The following TESPA1 variants were observed in gnomAD, a reference collection of about 807,000 sequenced individuals.
TESPA1 encodes protein TESPA1.
Under a neutral mutation model 57.9 loss-of-function variants are expected in TESPA1, and 33 were observed. The observed-to-expected ratio is 0.57, with a 90% confidence interval of 0.43 to 0.76. TESPA1 has a LOEUF of 0.76. Ranked by LOEUF, TESPA1 falls within the 30% of genes least tolerant of loss-of-function variation. The probability of loss-of-function intolerance (pLI) is 0.00; values close to 1 mark genes in which losing one functional copy is unlikely to be tolerated. For synonymous variants in TESPA1, 227 were observed against 228.9 expected (o/e 0.99, Z 0.07); for missense variants, 618 against 632.9 (o/e 0.98, Z 0.25).
chr12:54,951,113 T>C (rs1244164964), intron 10 of TESPA1, among the ~76,000 whole-genome samples: 1 of 152,194 alleles, frequency 6.6e-6, no homozygotes, highest in Non-Finnish European at 1.5e-5. Flanking sequence ...AAATATCATG[T>C]TGAATTGTGA....
chr12:54,958,136 C>T (rs554784744), intron 10 of TESPA1, among the ~76,000 whole-genome samples: 16 of 152,298 alleles, frequency 1.1e-4, no homozygotes, highest in African/African-American at 3.4e-4. Context: ...GTGAGAGGAA[C>T]TTGTGTTCTG....
chr12:54,954,440 A>G (rs1295721471), intron 10 of TESPA1, among the ~76,000 whole-genome samples: 1 of 152,216 alleles, frequency 6.6e-6, no homozygotes, highest in Non-Finnish European at 1.5e-5. Context: ...TGTGGAAGGC[A>G]GAAAGATAAT....
intron 7 of TESPA1, among the ~76,000 whole-genome samples, chr12:54,964,590 C>T (rs142147433): frequency 6.6e-6 from 1 of 152,192 alleles, no homozygotes; most frequent in Non-Finnish European, 1.5e-5. Context: ...TTGGGTGACA[C>T]TAGAGCTTAG....
chr12:54,962,838 G>A lies in TESPA1; in HGVS notation c.1060C>T (p.Pro354Ser), dbSNP rs764336520. 6.2e-7 allele frequency: 1 copy of A among 1,613,682 alleles called. No homozygotes were observed. The highest frequency in any genetic ancestry group is 8.5e-7 in the Non-Finnish European group (1 of 1,179,806). The change falls in exon 9 of 11, where the codon CCC becomes TCC. Residue 354 changes from proline to serine, a missense_variant. Pro to Ser is a moderately conservative substitution (Grantham distance 74, BLOSUM62 -1). Transcript: ENST00000449076. Reference protein sequence around the residue: ...PVPPAEGKKLPTSPYPCVFCC... With the variant: ...PVPPAEGKKLSTSPYPCVFCC... ...AAGACACATGGATAGGGAGAAGTGG[G>A]CAACTTCTTACCCTCAGCAGGGGGC...
In TESPA1 at chr12:54,962,627, T is replaced by C. The variant is rs1438691091; in HGVS notation, c.1271A>G (p.His424Arg). 6.2e-7 allele frequency: 1 copy of C among 1,613,846 alleles called. No individual in the cohort carries two copies. The highest frequency in any genetic ancestry group is 8.5e-7 in the Non-Finnish European group (1 of 1,179,894). ...CCAGAAAGTCTCATCCTTGGCTGGATGGGTTTCCGTATTGGTGGCTGGTAG... is the reference window on the plus strand; with the variant it reads ...CCAGAAAGTCTCATCCTTGGCTGGACGGGTTTCCGTATTGGTGGCTGGTAG... ...CSLPATNTET[H>R]PAKDETFWKR... The change falls in exon 9 of 11, where the codon CAT becomes CGT. Residue 424 changes from histidine to arginine, a missense_variant. Around this residue, in one of 3 missense-constraint regions of TESPA1, gnomAD observed 409 missense variants for 420.1 expected, o/e 0.97. Transcript: ENST00000449076.
At chr12:54,976,031 G>C (rs1006564151) in intron 1 of TESPA1, among the ~76,000 whole-genome samples, 6 of 152,188 alleles carry the variant, frequency 3.9e-5, no homozygotes, top group Admixed American at 3.3e-4. Flanking sequence ...CGGGCACGTG[G>C]CTCTTTGTCT....
intron 10 of TESPA1, among the ~76,000 whole-genome samples, chr12:54,957,555 T>C (rs1414218422): frequency 1.3e-5 from 2 of 152,088 alleles, no homozygotes; most frequent in African/African-American, 4.8e-5. Context: ...TCTTAAAGGG[T>C]AATAGAGGAG....
chr12:54,961,124 A>G, intron 10 of TESPA1, 44 bp downstream of exon 10: 1 of 1,608,576 alleles, frequency 6.2e-7, no homozygotes, highest in Non-Finnish European at 8.5e-7. Flanking sequence ...TTTGATTACA[A>G]TGTGCAGCCA....
At chr12:54,967,802 T>G in intron 4 of TESPA1, 41 bp downstream of exon 4, 2 of 1,611,198 alleles carry the variant, frequency 1.2e-6, no homozygotes, top group Non-Finnish European at 1.7e-6. Flanking sequence ...TATATCACTC[T>G]CCAGGTAGAA....
At position 54,961,224 on chromosome 12, in the gene TESPA1, G is replaced by C. The variant is rs1328154509; in HGVS notation, c.1511C>G (p.Pro504Arg). The change falls in exon 10 of 11, where the codon CCC becomes CGC. Residue 504 changes from proline to arginine, a missense_variant. Pro to Arg is a moderately radical substitution (Grantham distance 103, BLOSUM62 -2). Around this residue, in one of 3 missense-constraint regions of TESPA1, gnomAD observed 409 missense variants for 420.1 expected, o/e 0.97. Transcript: ENST00000449076. ...SEEEQSQSRW[P>R]SRPRHPHHHQ... ...GTGGTGGGGGTGCCTGGGTCTGCTG[G>C]GCCAGCGACTCTGACTCTGCTCCTC... is the stretch of plus-strand genomic sequence containing the variant. The C allele has an allele frequency of 2.5e-6, 4 of 1,613,970 alleles. No individual in the cohort carries two copies. In the South Asian group the frequency reaches 4.4e-5, roughly 18 times the overall value.
At chr12:54,981,517 A>G (rs568348044) in intron 1 of TESPA1, among the ~76,000 whole-genome samples, 1 of 151,980 alleles carries the variant, frequency 6.6e-6, no homozygotes, top group African/African-American at 2.4e-5. Flanking sequence ...ACATGTATAC[A>G]TATGTAACAA....
Position 54,948,379 on chromosome 12 carries a change from G to A in TESPA1, c.*2013C>T, listed in dbSNP as rs769616427. 1.4e-4 allele frequency: 24 copies of A among 172,270 alleles called. No individual in the cohort carries two copies. Among genetic ancestry groups the A allele is most frequent in the Admixed American group, 1.4e-3 (22 of 15,792 alleles). The allele number at this position is 172,270 out of a possible 1,614,324, so 10.7% of individuals were successfully genotyped here. On this transcript the variant is annotated 3_prime_UTR_variant, in exon 11 of 11. Transcript: ENST00000449076. ...CAGAGGCCTGACAGTTTGGATCTGT[G>A]TCCTCACCCAAATCTCATGTCAAAC...
Position 54,962,823 on chromosome 12 carries a change from G to C in TESPA1, c.1075C>G (p.Pro359Ala). ...EGKKLPTSPYPCVFCCEEETQ... is the reference protein window; with the variant it reads ...EGKKLPTSPYACVFCCEEETQ... ...TCCTCTTCACAGCAGAAGACACATG[G>C]ATAGGGAGAAGTGGGCAACTTCTTA... is the stretch of plus-strand genomic sequence containing the variant. The change falls in exon 9 of 11, where the codon CCA (proline) becomes GCA (alanine). Residue 359 changes from proline to alanine, a missense_variant. Physicochemically the swap from Pro to Ala is conservative, Grantham distance 27. This residue lies in a region of TESPA1 where 409 missense variants were observed against 420.1 expected (regional missense o/e 0.97). Coordinates refer to ENST00000449076, the MANE Select transcript of TESPA1 (RefSeq NM_001136030.3). 6.2e-7 allele frequency: 1 copy of C among 1,613,914 alleles called. No individual in the cohort carries two copies. The highest frequency in any genetic ancestry group is 8.5e-7 in the Non-Finnish European group (1 of 1,179,854).
intron 9 of TESPA1, among the ~76,000 whole-genome samples, chr12:54,962,201 C>G (rs1951120722): frequency 6.6e-6 from 1 of 152,186 alleles, no homozygotes; most frequent in South Asian, 2.1e-4. Context: ...AAATGGCAAT[C>G]AGATCAGGTA....
At chr12:54,964,523 G>A (rs1680468125) in intron 7 of TESPA1, among the ~76,000 whole-genome samples, 1 of 152,196 alleles carries the variant, frequency 6.6e-6, no homozygotes, top group African/African-American at 2.4e-5. Flanking sequence ...TCCCGTGCAC[G>A]CACTCTCTCT....
intron 1 of TESPA1, among the ~76,000 whole-genome samples, chr12:54,979,790 G>A (rs574570741): frequency 3.0e-4 from 45 of 152,298 alleles, no homozygotes; most frequent in Admixed American, 7.2e-4. Context: ...ATTATGACTC[G>A]AAGAATATCG....
At chr12:54,968,113 T>A in intron 3 of TESPA1, 6 of 1,134,196 alleles carry the variant, frequency 5.3e-6, no homozygotes, top group African/African-American at 1.6e-5. Flanking sequence ...TATTTTAGAT[T>A]GTGCTTCTGT....
intron 1 of TESPA1, among the ~76,000 whole-genome samples, chr12:54,983,491 A>G (rs1190484806): frequency 1.3e-5 from 2 of 152,166 alleles, no homozygotes; most frequent in Non-Finnish European, 2.9e-5. Context: ...ATACTTGGAC[A>G]CACAAGTTGA....
intron 2 of TESPA1, among the ~76,000 whole-genome samples, chr12:54,974,111 C>T (rs968920374): frequency 4.6e-5 from 7 of 152,190 alleles, no homozygotes; most frequent in African/African-American, 1.7e-4. Flanking sequence ...AATAGAAACA[C>T]CCCAAAGCAT....
Sources: gnomAD v4.1 joint callset for allele counts (sites outside exome capture counted in the v4.1 genomes callset) on GRCh38, gnomAD v4.1.1 for gene constraint, gnomAD v4.1.1 regional missense constraint, MANE v1.5 for transcripts, NCBI Gene and HGNC (gene_info 2026-07-23, HGNC 2026-07-21) for gene names.